The following AUTS2 variants were observed in gnomAD, a reference collection of about 807,000 sequenced individuals.
AUTS2 encodes autism susceptibility gene 2 protein.
AUTS2 carries 17 observed loss-of-function variants against 112.4 expected under a neutral mutation model. That is an observed-to-expected ratio of 0.15 (90% CI 0.10 to 0.23). The LOEUF (loss-of-function observed/expected upper bound fraction) is 0.23, where lower values mean the gene tolerates loss of function less well. Among genes scored for constraint, AUTS2 ranks in the 10% least tolerant of loss-of-function variants. The pLI is 1.00. For synonymous variants in AUTS2, 751 were observed against 702.7 expected, an observed-to-expected ratio of 1.07 and a Z score of -1.09; for missense variants, 1,510 against 1,701.6, an observed-to-expected ratio of 0.89 and a Z score of 1.98.
chr7:69,965,619 A>G (rs894720072), intron 2 of AUTS2, among the ~76,000 whole-genome samples: 1 of 152,214 alleles, frequency 6.6e-6, no homozygotes, highest in Non-Finnish European at 1.5e-5. Context: ...AGGGAGGAAC[A>G]TAAGGGCATT....
At chr7:70,061,979 G>A (rs1408983579) in intron 2 of AUTS2, among the ~76,000 whole-genome samples, 1 of 151,444 alleles carries the variant, frequency 6.6e-6, no homozygotes, top group African/African-American at 2.4e-5. Context: ...GTAGAGATGG[G>A]ATTTTGCCAT....
At chr7:69,836,533 T>C (rs1424787907) in intron 1 of AUTS2, among the ~76,000 whole-genome samples, 1 of 152,202 alleles carries the variant, frequency 6.6e-6, no homozygotes, top group Non-Finnish European at 1.5e-5. Flanking sequence ...GTGATTTTTT[T>C]TCTCTCCTCT....
At chr7:70,434,827 A>G (rs979690609) in intron 4 of AUTS2, among the ~76,000 whole-genome samples, 4 of 152,150 alleles carry the variant, frequency 2.6e-5, no homozygotes, top group African/African-American at 9.7e-5. Flanking sequence ...GTTCCTTATC[A>G]AGGGCTGTTG....
chr7:69,981,930 A>T (rs1259948446), intron 2 of AUTS2, among the ~76,000 whole-genome samples: 3 of 152,122 alleles, frequency 2.0e-5, no homozygotes, highest in African/African-American at 7.2e-5. Flanking sequence ...ATCTTCTCTT[A>T]GTTTCACAAG....
chr7:70,424,063 G>A (rs1397020759), intron 4 of AUTS2, among the ~76,000 whole-genome samples: 4 of 152,124 alleles, frequency 2.6e-5, no homozygotes, highest in African/African-American at 4.8e-5. Context: ...ACAAAAATCC[G>A]GTGGGGTGTG....
intron 5 of AUTS2, among the ~76,000 whole-genome samples, chr7:70,443,250 C>T (rs1477593376): frequency 6.6e-6 from 1 of 152,128 alleles, no homozygotes; most frequent in African/African-American, 2.4e-5. Flanking sequence ...GAAGAAAGAA[C>T]AGGTTCTAGA....
Position 69,846,182 on chromosome 7 carries a change from C to T in AUTS2, c.310-53104C>T, listed in dbSNP as rs1050479315. ...GCATATTGATATTCACAAAGTTTAC[C>T]ACTGACAGTTGTAGTCTGAGAGTGT... On this transcript the variant is annotated intron_variant, in intron 1 of 18. Transcript: ENST00000342771. Among the ~76,000 whole-genome samples, 8 of 151,924 alleles carry T rather than the reference C, an allele frequency of 5.3e-5. No homozygotes were observed. In the South Asian group the frequency reaches 1.2e-3, roughly 24 times the overall value.
intron 1 of AUTS2, among the ~76,000 whole-genome samples, chr7:69,641,973 C>G (rs1794817695): frequency 1.3e-5 from 2 of 152,168 alleles, no homozygotes; most frequent in South Asian, 4.1e-4. Flanking sequence ...CAGGAAATAA[C>G]TAAACTGGAA....
chr7:70,555,349 G>A (rs1801201763), intron 5 of AUTS2, among the ~76,000 whole-genome samples: 2 of 152,224 alleles, frequency 1.3e-5, no homozygotes, highest in South Asian at 4.1e-4. Flanking sequence ...TTGGGAAATA[G>A]TGAGTTAAAG....
rs111301188 is a variant in AUTS2 at position 69,909,242 on chromosome 7, T to C, written c.522+9744T>C. On this transcript the variant is annotated intron_variant, in intron 2 of 18. Coordinates refer to ENST00000342771, the MANE Select transcript of AUTS2 (RefSeq NM_015570.4). ...AGAAAGAAATGTTTCTGCCAGATGA[T>C]GTAGACATTATATAACAAAAAATGA... 4.1e-4 allele frequency among the ~76,000 whole-genome samples: 63 copies of C among 152,358 alleles called. 5 individuals are homozygous for C. Among genetic ancestry groups the C allele is most frequent in the African/African-American group, 1.4e-3 (59 of 41,590 alleles).
At chr7:70,103,495 G>A (rs1371785571) in intron 2 of AUTS2, among the ~76,000 whole-genome samples, 3 of 152,072 alleles carry the variant, frequency 2.0e-5, no homozygotes, top group Non-Finnish European at 4.4e-5. Context: ...TGTCTTGGTG[G>A]AGTTGTTCAT....
chr7:69,939,373 G>A (rs911255629), intron 2 of AUTS2, among the ~76,000 whole-genome samples: 1 of 152,104 alleles, frequency 6.6e-6, no homozygotes, highest in Non-Finnish European at 1.5e-5. Flanking sequence ...TGTAACATCA[G>A]AAGTTCAGAA....
At chr7:70,582,119 G>A (rs1400246127) in intron 5 of AUTS2, among the ~76,000 whole-genome samples, 1 of 149,774 alleles carries the variant, frequency 6.7e-6, no homozygotes, top group East Asian at 2.0e-4. Context: ...GTAATGAGTT[G>A]TTTTATTCTT....
intron 1 of AUTS2, among the ~76,000 whole-genome samples, chr7:69,680,496 T>C (rs1796743540): frequency 6.6e-6 from 1 of 152,192 alleles, no homozygotes; most frequent in African/African-American, 2.4e-5. Flanking sequence ...TTTTAAAGTG[T>C]AGATACTTCA....
chr7:70,513,002 A>C (rs1000717082), intron 5 of AUTS2, among the ~76,000 whole-genome samples: 1 of 152,198 alleles, frequency 6.6e-6, no homozygotes, highest in Non-Finnish European at 1.5e-5. Flanking sequence ...GGTGCCAGCA[A>C]TTATAAAAGG....
chr7:69,724,094 G>A lies in AUTS2; in HGVS notation c.309+124132G>A, dbSNP rs1289442806. The stretch of plus-strand genomic sequence containing the variant: ...CCAAGGAAATGTGTTAATGTGGGGG[G>A]AAAAAAATCACCGAACTGGGAGAGA... On this transcript the variant is annotated intron_variant, in intron 1 of 18. Coordinates refer to ENST00000342771, the MANE Select transcript of AUTS2 (RefSeq NM_015570.4). 2.0e-5 allele frequency among the ~76,000 whole-genome samples: 3 copies of A among 152,154 alleles called. No homozygotes were observed. In the South Asian group the frequency reaches 6.2e-4, roughly 32 times the overall value.
intron 1 of AUTS2, among the ~76,000 whole-genome samples, chr7:69,657,265 G>A (rs1415404943): frequency 6.6e-6 from 1 of 152,172 alleles, no homozygotes; most frequent in Non-Finnish European, 1.5e-5. Context: ...GATTAGAGGT[G>A]ACCCTCTAAT....
chr7:70,303,585 G>C (rs1789346145), intron 4 of AUTS2, among the ~76,000 whole-genome samples: 1 of 152,134 alleles, frequency 6.6e-6, no homozygotes, highest in South Asian at 2.1e-4. Flanking sequence ...TCAGAGGAAA[G>C]ACAGAGACTC....
chr7:70,067,304 T>C (rs191145151), intron 2 of AUTS2, among the ~76,000 whole-genome samples: 1 of 152,146 alleles, frequency 6.6e-6, no homozygotes. Context: ...TATCTAAGAA[T>C]GCAGTATACA....
Sources: gnomAD v4.1 joint callset for allele counts (sites outside exome capture counted in the v4.1 genomes callset) on GRCh38, gnomAD v4.1.1 for gene constraint, MANE v1.5 for transcripts, NCBI Gene and HGNC (gene_info 2026-07-23, HGNC 2026-07-21) for gene names.